Variants in TOMM20L observed in about 807,000 individuals in gnomAD.
The protein encoded by TOMM20L is translocase of outer mitochondrial membrane 20 like.
Under a neutral mutation model 20.4 loss-of-function variants are expected in TOMM20L, and 19 were observed. The ratio of observed to expected loss-of-function variants is 0.93; its 90% confidence interval spans 0.65 to 1.36. TOMM20L has a LOEUF of 1.36. Among genes scored for constraint, TOMM20L ranks in the 40% most tolerant of loss-of-function variants. The probability of loss-of-function intolerance (pLI) is 0.00; values close to 1 mark genes in which losing one functional copy is unlikely to be tolerated. For synonymous variants in TOMM20L, 75 were observed against 79.6 expected (o/e 0.94, Z 0.30); for missense variants, 218 against 203.7 (o/e 1.07, Z -0.43).
At chr14:58,409,959 G>A (rs1000296070), downstream of TOMM20L, among the ~76,000 whole-genome samples, 1 of 151,946 alleles carries the variant, frequency 6.6e-6, no homozygotes, top group Non-Finnish European at 1.5e-5. Context: ...TCAACCTCCT[G>A]GGCTTAAGTG....
downstream of TOMM20L, chr14:58,411,013 T>G (rs2036198167): frequency 9.8e-7 from 1 of 1,025,112 alleles, no homozygotes; most frequent in Admixed American, 2.1e-5. Context: ...ATTACTGGTA[T>G]TTTATATTTA....
intron 3 of TOMM20L, among the ~76,000 whole-genome samples, chr14:58,407,105 G>A (rs566289536): frequency 1.3e-5 from 2 of 152,170 alleles, no homozygotes; most frequent in Non-Finnish European, 2.9e-5. Flanking sequence ...AACAGTAAGA[G>A]TATACTTGCT....
At chr14:58,400,529 A>G (rs1412152002) in intron 2 of TOMM20L, among the ~76,000 whole-genome samples, 2 of 151,930 alleles carry the variant, frequency 1.3e-5, no homozygotes, top group Non-Finnish European at 2.9e-5. Flanking sequence ...TGGAAATAAT[A>G]TATGTAAAGT....
chr14:58,404,119 A>ATATATATATTTT (rs1555369115), intron 3 of TOMM20L, among the ~76,000 whole-genome samples: 1 of 8,342 alleles, frequency 1.2e-4, no homozygotes, highest in African/African-American at 3.3e-4. Flanking sequence ...ATATATATAT[A>ATATATATATTTT]TTTTTTTTTT....
chr14:58,408,642 A>C lies in TOMM20L; in HGVS notation c.*60A>C. The C allele has an allele frequency of 1.4e-6, 2 of 1,473,422 alleles. No homozygotes were observed. Among genetic ancestry groups the C allele is most frequent in the Non-Finnish European group, 1.9e-6 (2 of 1,077,092 alleles). The allele number at this position is 1,473,422 out of a possible 1,614,324, so 91.3% of individuals were successfully genotyped here. A position where few individuals can be genotyped will look rare whatever the true frequency, so the allele number is the denominator to read the frequency against. ...TACTATGGTACCATACAGTATAAAC[A>C]ACTGCTCAGTGATATTTCCATTTAT... On this transcript the variant is annotated 3_prime_UTR_variant, in exon 5 of 5. Transcript: ENST00000360945.
chr14:58,403,693 C>A (rs1190045332), intron 3 of TOMM20L, among the ~76,000 whole-genome samples: 1 of 151,616 alleles, frequency 6.6e-6, no homozygotes, highest in Non-Finnish European at 1.5e-5. Flanking sequence ...AAAAACTTAG[C>A]CGGGCATGGT....
intron 3 of TOMM20L, among the ~76,000 whole-genome samples, chr14:58,405,374 A>G (rs2036045313): frequency 6.6e-6 from 1 of 152,370 alleles, no homozygotes; most frequent in East Asian, 1.9e-4. Context: ...AAAAAAGATG[A>G]TAACGTATTT....
chr14:58,412,832 T>C (rs1490846783), downstream of TOMM20L, among the ~76,000 whole-genome samples: 1 of 151,988 alleles, frequency 6.6e-6, no homozygotes, highest in African/African-American at 2.4e-5. Context: ...ACTCAGGACG[T>C]TGAGGTTACA....
chr14:58,402,911 T>A, intron 3 of TOMM20L, 150 bp downstream of exon 3: 1 of 616,884 alleles, frequency 1.6e-6, no homozygotes, highest in East Asian at 2.7e-5. Flanking sequence ...CACTTCATCA[T>A]ACTGTACTCT....
downstream of TOMM20L, chr14:58,411,854 T>G (rs1346846570): frequency 1.9e-6 from 3 of 1,541,856 alleles, no homozygotes; most frequent in Non-Finnish European, 2.7e-6. Flanking sequence ...GTGGCATTAG[T>G]AGCACCTTAC....
chr14:58,410,750 G>T, downstream of TOMM20L: 1 of 852,194 alleles, frequency 1.2e-6, no homozygotes, highest in Non-Finnish European at 1.8e-6. Context: ...CTAAATTCCT[G>T]TAATAAGTAG....
downstream of TOMM20L, chr14:58,408,758 GGTTT>G: frequency 1.4e-6 from 1 of 722,158 alleles, no homozygotes; most frequent in Non-Finnish European, 2.2e-6. Context: ...AAGAAACAAT[GGTTT>G]ATTTTTCTAA....
intron 3 of TOMM20L, among the ~76,000 whole-genome samples, chr14:58,403,226 C>T (rs1282483456): frequency 6.6e-6 from 1 of 152,142 alleles, no homozygotes; most frequent in Non-Finnish European, 1.5e-5. Context: ...GGTACCATGG[C>T]ATGTGCCTGT....
At chr14:58,402,168 A>C (rs1211970190) in intron 2 of TOMM20L, among the ~76,000 whole-genome samples, 1 of 152,228 alleles carries the variant, frequency 6.6e-6, no homozygotes, top group Non-Finnish European at 1.5e-5. Flanking sequence ...CAAATATTTC[A>C]TGTTTTTTTA....
At chr14:58,398,526 A>G (rs936122309) in intron 2 of TOMM20L, 2 of 152,154 alleles carry the variant, frequency 1.3e-5, no homozygotes, top group Non-Finnish European at 2.9e-5. Flanking sequence ...AATGATGGTG[A>G]CTTTATTTCA....
intron 2 of TOMM20L, among the ~76,000 whole-genome samples, chr14:58,400,955 C>T (rs1330092130): frequency 1.3e-5 from 2 of 152,166 alleles, no homozygotes; most frequent in South Asian, 2.1e-4. Flanking sequence ...TGCAATTTTG[C>T]GTTGCTTATA....
In TOMM20L at chr14:58,402,707, T is replaced by G. The variant is rs954002498; in HGVS notation, c.208T>G (p.Leu70Val). The G allele has an allele frequency of 3.7e-6, 6 of 1,613,770 alleles. No homozygotes were observed. In the Admixed American group the frequency reaches 6.7e-5, roughly 18 times the overall value. The change falls in exon 3 of 5, where the codon TTG (leucine) becomes GTG (valine). Residue 70 changes from leucine (L) to valine (V), a missense_variant. Coordinates refer to ENST00000360945, the MANE Select transcript of TOMM20L (RefSeq NM_207377.3). ...QLWDPTKNKK[L>V]QELFLQEVRM... The stretch of plus-strand genomic sequence containing the variant: ...GTGGGATCCAACGAAGAATAAAAAG[T>G]TGCAAGAACTTTTCTTGCAAGAGGT...
At position 58,408,535 on chromosome 14, in the gene TOMM20L, G is replaced by A. The variant is rs1390143518; in HGVS notation, c.412G>A (p.Glu138Lys). The stretch of plus-strand genomic sequence containing the variant: ...TATTTTATGTATTCACCAGCAATTT[G>A]AGGCAGACATGAATGAACAGGACTG... ...HKIPLICQQF[E>K]ADMNEQDCLE... Residue 138 changes from glutamate (E) to lysine (K), a missense_variant, in exon 5 of 5, where the codon GAG becomes AAG. Physicochemically the swap from Glu to Lys is moderately conservative, Grantham distance 56. Coordinates refer to ENST00000360945, the MANE Select transcript of TOMM20L (RefSeq NM_207377.3). 6.2e-7 allele frequency: 1 copy of A among 1,613,664 alleles called. No homozygotes were observed. The highest frequency in any genetic ancestry group is 2.2e-5 in the East Asian group (1 of 44,874).
At chr14:58,413,112 C>T (rs528524560), downstream of TOMM20L, among the ~76,000 whole-genome samples, 5 of 152,122 alleles carry the variant, frequency 3.3e-5, no homozygotes, top group Admixed American at 6.5e-5. Flanking sequence ...AGACATTTTA[C>T]GTTCCTTTTC....
Sources: gnomAD v4.1 joint callset for allele counts (sites outside exome capture counted in the v4.1 genomes callset) on GRCh38, gnomAD v4.1.1 for gene constraint, MANE v1.5 for transcripts, NCBI Gene and HGNC (gene_info 2026-07-23, HGNC 2026-07-21) for gene names.